NHSL3: variants seen among roughly 807,000 people sequenced by gnomAD.
The protein encoded by NHSL3 is NHS-like protein 3.
chr1:32,744,767 G>A, the NHSL3 span, among the ~76,000 whole-genome samples: 1 of 152,170 alleles, frequency 6.6e-6, no homozygotes, highest in South Asian at 2.1e-4. Context: ...TCCTCTGGCT[G>A]GACATTGCCT....
chr1:32,751,333 A>G, the NHSL3 span, among the ~76,000 whole-genome samples: 1 of 152,210 alleles, frequency 6.6e-6, no homozygotes, highest in Non-Finnish European at 1.5e-5. Context: ...TACCTCCGTC[A>G]GTATGCAAGC....
the NHSL3 span, among the ~76,000 whole-genome samples, chr1:32,751,003 G>T: frequency 6.6e-6 from 1 of 151,558 alleles, no homozygotes. Context: ...TAGACACGGG[G>T]TTTCACCGTG....
At chr1:32,764,330 A>G in the NHSL3 span, among the ~76,000 whole-genome samples, 1 of 152,028 alleles carries the variant, frequency 6.6e-6, no homozygotes, top group Non-Finnish European at 1.5e-5. Context: ...CTCAACTCAT[A>G]ACATGTTCCA....
chr1:32,759,719 G>A, the NHSL3 span, among the ~76,000 whole-genome samples: 1 of 152,178 alleles, frequency 6.6e-6, no homozygotes, highest in Admixed American at 6.5e-5. Context: ...AGAGATTGAG[G>A]TCGTGCCCCT....
the NHSL3 span, among the ~76,000 whole-genome samples, chr1:32,761,609 T>A: frequency 6.6e-6 from 1 of 152,102 alleles, no homozygotes; most frequent in Non-Finnish European, 1.5e-5. Context: ...GTCACTTAGC[T>A]CTCTGAGCCT....
chr1:32,759,739 G>C, the NHSL3 span, among the ~76,000 whole-genome samples: 2 of 152,062 alleles, frequency 1.3e-5, no homozygotes, highest in Non-Finnish European at 2.9e-5. Flanking sequence ...TCCCCCAACT[G>C]CCCTTACCCA....
At chr1:32,771,011 C>G in the NHSL3 span, 1 of 1,613,160 alleles carries the variant, frequency 6.2e-7, no homozygotes, top group Non-Finnish European at 8.5e-7. Context: ...GCCCAGCCCC[C>G]TAAACCAGAG....
the NHSL3 span, chr1:32,771,134 C>T: frequency 1.2e-6 from 2 of 1,612,286 alleles, no homozygotes; most frequent in African/African-American, 1.3e-5. Flanking sequence ...CAGATATTGA[C>T]CCCCCTGGGT....
chr1:32,770,813 C>T, the NHSL3 span: 14 of 1,598,534 alleles, frequency 8.8e-6, no homozygotes, highest in South Asian at 2.2e-5. This position sits in a 1 kb window ranked among gnomAD's most constrained non-coding sequence, Gnocchi z 8.3. Context: ...TCAGAAGGGG[C>T]GGGGGCAGCA....
the NHSL3 span, chr1:32,769,729 C>T: frequency 1.3e-5 from 21 of 1,612,400 alleles, no homozygotes; most frequent in Middle Eastern, 1.7e-4. Context: ...AGGGCGGCGT[C>T]GGCGGGAGCG....
chr1:32,766,883 C>T, the NHSL3 span, among the ~76,000 whole-genome samples: 1 of 152,188 alleles, frequency 6.6e-6, no homozygotes, highest in Admixed American at 6.5e-5. Context: ...GGATCCCTGG[C>T]TCCTCTGCAA....
chr1:32,751,585 A>G, the NHSL3 span, among the ~76,000 whole-genome samples: 142 of 152,282 alleles, frequency 9.3e-4, 1 homozygote, highest in African/African-American at 3.2e-3. Context: ...GATCAGTACT[A>G]TATCAGAAGG....
chr1:32,750,042 A>G, the NHSL3 span, among the ~76,000 whole-genome samples: 1 of 152,178 alleles, frequency 6.6e-6, no homozygotes, highest in Non-Finnish European at 1.5e-5. Flanking sequence ...AAAACGAATA[A>G]GAGGAAGCAT....
chr1:32,754,282 G>A, the NHSL3 span: 1 of 584,704 alleles, frequency 1.7e-6, no homozygotes, highest in African/African-American at 1.9e-5. Flanking sequence ...GTGTGAGTGT[G>A]GGGGGGTCGG....
chr1:32,767,645 C>T, the NHSL3 span: 1 of 689,562 alleles, frequency 1.5e-6, no homozygotes, highest in Admixed American at 2.5e-5. Context: ...GGTTATGTGT[C>T]CAGACTGGGG....
the NHSL3 span, among the ~76,000 whole-genome samples, chr1:32,758,158 C>T: frequency 6.6e-6 from 1 of 152,168 alleles, no homozygotes; most frequent in Non-Finnish European, 1.5e-5. Context: ...TCTTGGCACT[C>T]AGGGATCCAC....
the NHSL3 span, chr1:32,773,964 A>G: frequency 6.5e-6 from 1 of 152,700 alleles, no homozygotes; most frequent in East Asian, 1.9e-4. Context: ...GGGAAGCCAC[A>G]GGTGCATTTT....
the NHSL3 span, among the ~76,000 whole-genome samples, chr1:32,763,616 G>T: frequency 6.6e-6 from 1 of 152,090 alleles, no homozygotes; most frequent in African/African-American, 2.4e-5. Flanking sequence ...CTCTTGCCCA[G>T]ACTGGAGTGC....
the NHSL3 span, among the ~76,000 whole-genome samples, chr1:32,743,197 C>G: frequency 6.6e-6 from 1 of 152,184 alleles, no homozygotes; most frequent in Non-Finnish European, 1.5e-5. Context: ...TAGACTGCTG[C>G]TGCAGTGCTG....
Sources: allele counts gnomAD v4.1 joint callset (sites outside exome capture counted in the v4.1 genomes callset), GRCh38; gene constraint gnomAD v4.1.1; non-coding constraint Gnocchi (gnomAD v3.1); transcripts MANE v1.5; gene names NCBI Gene and HGNC (gene_info 2026-07-23, HGNC 2026-07-21).